The following FAT3 variants were observed in gnomAD, a reference collection of about 807,000 sequenced individuals.
The protein encoded by FAT3 is FAT atypical cadherin 3.
A neutral mutation model predicts 310.2 loss-of-function variants in FAT3; 95 were observed. The observed-to-expected ratio is 0.31, with a 90% CI of 0.26 to 0.36. The LOEUF (loss-of-function observed/expected upper bound fraction) is 0.36. Among genes scored for constraint, FAT3 ranks in the 10% least tolerant of loss-of-function variants. The probability of loss-of-function intolerance (pLI) is 1.00; values close to 1 mark genes in which losing one functional copy is unlikely to be tolerated. For missense variants in FAT3, 5,408 were observed against 5,715.6 expected (o/e 0.95, Z 1.74); for synonymous variants, 2,314 against 2,192.9 (o/e 1.06, Z -1.54).
intron 1 of FAT3, among the ~76,000 whole-genome samples, chr11:92,335,688 C>G (rs1565234953): frequency 6.6e-6 from 1 of 151,864 alleles, no homozygotes; most frequent in Admixed American, 6.6e-5. Flanking sequence ...AGTATATGCA[C>G]TTTTTTTTGC....
At chr11:92,297,363 T>A (rs1485861178) in intron 1 of FAT3, among the ~76,000 whole-genome samples, 1 of 152,132 alleles carries the variant, frequency 6.6e-6, no homozygotes, top group Non-Finnish European at 1.5e-5. Context: ...CCCTAGTATC[T>A]AACACTGAGC....
At chr11:92,782,189 G>A (rs1348643753) in intron 7 of FAT3, among the ~76,000 whole-genome samples, 1 of 152,034 alleles carries the variant, frequency 6.6e-6, no homozygotes, top group Non-Finnish European at 1.5e-5. Flanking sequence ...CAGATGTGGT[G>A]GTCACGTGCA....
intron 3 of FAT3, among the ~76,000 whole-genome samples, chr11:92,615,211 A>T (rs1488263480): frequency 2.6e-5 from 4 of 152,096 alleles, no homozygotes; most frequent in African/African-American, 9.7e-5. Context: ...GAATTTTAGA[A>T]TCAACTTGTT....
At chr11:92,720,467 A>C (rs1944829583) in intron 4 of FAT3, among the ~76,000 whole-genome samples, 1 of 152,218 alleles carries the variant, frequency 6.6e-6, no homozygotes, top group African/African-American at 2.4e-5. Flanking sequence ...CGTTTCTATA[A>C]AATGAATCTG....
At chr11:92,441,222 T>G (rs1396992008) in intron 2 of FAT3, among the ~76,000 whole-genome samples, 1 of 152,248 alleles carries the variant, frequency 6.6e-6, no homozygotes, top group Non-Finnish European at 1.5e-5. Context: ...CTCCTGTTTC[T>G]CCACCTCATC....
chr11:92,301,827 G>C (rs1947006255), intron 1 of FAT3, among the ~76,000 whole-genome samples: 1 of 151,948 alleles, frequency 6.6e-6, no homozygotes, highest in South Asian at 2.1e-4. Flanking sequence ...GTTGTTTGTT[G>C]TTTGTTTAGG....
intron 3 of FAT3, among the ~76,000 whole-genome samples, chr11:92,592,689 T>C (rs937618669): frequency 2.0e-5 from 3 of 152,148 alleles, no homozygotes; most frequent in Admixed American, 1.3e-4. Flanking sequence ...TAAAAACATT[T>C]ATTACATTTA....
chr11:92,489,555 A>G (rs1049342115), intron 2 of FAT3, among the ~76,000 whole-genome samples: 1 of 152,148 alleles, frequency 6.6e-6, no homozygotes, highest in Non-Finnish European at 1.5e-5. Context: ...AGAGTTGGTC[A>G]TGGATAATTG....
chr11:92,767,018 G>A (rs914366590), intron 6 of FAT3, among the ~76,000 whole-genome samples: 8 of 152,154 alleles, frequency 5.3e-5, no homozygotes, highest in Non-Finnish European at 8.8e-5. Flanking sequence ...GGAGGCTGAG[G>A]TGGGTGGATC....
In FAT3 at chr11:92,380,936, A is replaced by G. The variant is rs1484434337; in HGVS notation, c.3292+25532A>G. The stretch of plus-strand genomic sequence containing the variant: ...CCTTTCAGTGGCATTTATTACATTC[A>G]CAGTGTTGTACAACTACTACCTCTA... On this transcript the variant is annotated intron_variant, in intron 2 of 27. Coordinates refer to ENST00000525166, the MANE Select transcript of FAT3 (RefSeq NM_001367949.2). Among the ~76,000 whole-genome samples, 6 of 152,100 alleles carry G rather than the reference A, an allele frequency of 3.9e-5. No individual in the cohort carries two copies. The East Asian group carries it at 1.2e-3, about 29-fold the overall frequency.
chr11:92,247,678 G>A (rs527333665), intron 1 of FAT3, among the ~76,000 whole-genome samples: 15 of 150,820 alleles, frequency 9.9e-5, no homozygotes, highest in South Asian at 8.4e-4. Context: ...TATTATGGCT[G>A]ACTTCTTTGC....
At chr11:92,649,621 C>T (rs970729901) in intron 3 of FAT3, among the ~76,000 whole-genome samples, 4 of 152,002 alleles carry the variant, frequency 2.6e-5, no homozygotes, top group Admixed American at 6.6e-5. Flanking sequence ...TGTGCCTCAG[C>T]GCTTTGTTAG....
chr11:92,542,462 T>C (rs1322408430), intron 3 of FAT3, among the ~76,000 whole-genome samples: 2 of 151,706 alleles, frequency 1.3e-5, no homozygotes, highest in East Asian at 3.9e-4. Context: ...TAGGGTATAT[T>C]AGGAACTCAA....
chr11:92,884,127 C>G (rs1410553011), intron 24 of FAT3, among the ~76,000 whole-genome samples: 1 of 152,174 alleles, frequency 6.6e-6, no homozygotes, highest in Non-Finnish European at 1.5e-5. Flanking sequence ...GGAAGAGCCA[C>G]AGGTGCAAAA....
At chr11:92,305,782 CAA>C (rs781580470) in intron 1 of FAT3, among the ~76,000 whole-genome samples, 162 of 152,164 alleles carry the variant, frequency 1.1e-3, no homozygotes, top group Non-Finnish European at 1.1e-3. Context: ...TCACGGAAGA[CAA>C]AGACAGACTA....
intron 3 of FAT3, among the ~76,000 whole-genome samples, chr11:92,676,488 G>T (rs2135842746): frequency 6.6e-6 from 1 of 152,298 alleles, no homozygotes; most frequent in African/African-American, 2.4e-5. Context: ...TCACTCAGAG[G>T]TAAGAAATGG....
Position 92,894,936 on chromosome 11 carries a change from A to AC in FAT3, c.*3826dup, listed in dbSNP as rs921933482. On this transcript the variant is annotated 3_prime_UTR_variant, in exon 28 of 28. Coordinates refer to ENST00000525166, the MANE Select transcript of FAT3 (RefSeq NM_001367949.2). ...TCCTCTCCTACTTACTTCCCACCCC[A>AC]CCCTATCCACTACCCCCACTGATGC... is the stretch of plus-strand genomic sequence containing the variant. The AC allele has an allele frequency of 6.6e-6, 1 of 152,062 alleles. No homozygotes were observed. The highest frequency in any genetic ancestry group is 2.4e-5 in the African/African-American group (1 of 41,388). The allele number at this position is 152,062 out of a possible 1,614,324, so 9.4% of individuals were successfully genotyped here.
chr11:92,889,795 T>G, intron 26 of FAT3, 61 bp from the exon 27 acceptor site: 2 of 717,218 alleles, frequency 2.8e-6, no homozygotes, highest in Non-Finnish European at 5.2e-6. Flanking sequence ...AAATGTTCTG[T>G]TTTATCCCTC....
intron 3 of FAT3, among the ~76,000 whole-genome samples, chr11:92,615,236 T>G (rs1467220838): frequency 1.3e-5 from 2 of 152,192 alleles, no homozygotes; most frequent in African/African-American, 2.4e-5. Flanking sequence ...TCTTTTCTTC[T>G]TATTATTTTT....
Sources: gnomAD v4.1 joint callset for allele counts (sites outside exome capture counted in the v4.1 genomes callset) on GRCh38, gnomAD v4.1.1 for gene constraint, MANE v1.5 for transcripts, NCBI Gene and HGNC (gene_info 2026-07-23, HGNC 2026-07-21) for gene names.